The following APBB1IP variants were observed in gnomAD, a reference collection of about 807,000 sequenced individuals.
APBB1IP encodes amyloid beta precursor protein binding family B member 1 interacting protein.
APBB1IP carries 27 observed loss-of-function variants against 64.9 expected under a neutral mutation model. The ratio of observed to expected loss-of-function variants is 0.42; its 90% CI spans 0.31 to 0.57. APBB1IP has a LOEUF of 0.57. APBB1IP is among the 20% of genes least tolerant of loss of function. APBB1IP has a pLI of 0.20. For synonymous variants in APBB1IP, 392 were observed against 331.0 expected (o/e 1.18, Z -2.00); for missense variants, 812 against 845.5 (o/e 0.96, Z 0.49).
At chr10:26,457,377 C>T (rs556790833) in intron 2 of APBB1IP, among the ~76,000 whole-genome samples, 13 of 152,332 alleles carry the variant, frequency 8.5e-5, no homozygotes, top group Non-Finnish European at 1.8e-4. Context: ...TGGCCTCAAG[C>T]AATCCTCCTG....
chr10:26,487,471 A>G (rs190180986), intron 2 of APBB1IP, among the ~76,000 whole-genome samples: 335 of 152,274 alleles, frequency 2.2e-3, no homozygotes, highest in African/African-American at 7.7e-3. Context: ...CGTGGGTGCA[A>G]CTGTGATCCA....
intron 5 of APBB1IP, among the ~76,000 whole-genome samples, chr10:26,502,687 A>G (rs1836121332): frequency 6.6e-6 from 1 of 152,188 alleles, no homozygotes; most frequent in Non-Finnish European, 1.5e-5. Context: ...GGGGGCATTA[A>G]GAACCCCTTT....
intron 10 of APBB1IP, among the ~76,000 whole-genome samples, chr10:26,539,225 A>T (rs1410249590): frequency 6.6e-6 from 1 of 152,094 alleles, no homozygotes; most frequent in Non-Finnish European, 1.5e-5. Context: ...AGCCTGAGAA[A>T]CATAGGGAGA....
At chr10:26,523,560 C>T (rs1836432023) in intron 8 of APBB1IP, among the ~76,000 whole-genome samples, 1 of 152,010 alleles carries the variant, frequency 6.6e-6, no homozygotes, top group Admixed American at 6.6e-5. Flanking sequence ...CAGGCAGGTC[C>T]ACTTTAGAAA....
chr10:26,529,726 C>T (rs1836524085), intron 8 of APBB1IP, among the ~76,000 whole-genome samples: 3 of 152,148 alleles, frequency 2.0e-5, no homozygotes. Flanking sequence ...CTGTAACCTC[C>T]ACTTCCCAGT....
intron 6 of APBB1IP, among the ~76,000 whole-genome samples, chr10:26,507,461 C>T: frequency 6.6e-6 from 1 of 152,170 alleles, no homozygotes; most frequent in East Asian, 1.9e-4. Flanking sequence ...CATACCACTG[C>T]ACTCCAGCCT....
chr10:26,469,184 C>T (rs1333489668), intron 2 of APBB1IP, among the ~76,000 whole-genome samples: 1 of 150,668 alleles, frequency 6.6e-6, no homozygotes, highest in Non-Finnish European at 1.5e-5. Context: ...CATTGTATAG[C>T]TGTACAAAAA....
chr10:26,555,112 G>A (rs1232159853), intron 11 of APBB1IP, among the ~76,000 whole-genome samples: 11 of 152,016 alleles, frequency 7.2e-5, no homozygotes, highest in South Asian at 2.1e-4. Flanking sequence ...CCCATTTCTC[G>A]TTAATCTATG....
At chr10:26,559,622 CTTT>C (rs368290752) in intron 11 of APBB1IP, among the ~76,000 whole-genome samples, 7 of 135,168 alleles carry the variant, frequency 5.2e-5, no homozygotes, top group Non-Finnish European at 4.8e-5. Flanking sequence ...TTCTTTCTTT[CTTT>C]TTTTTTTTTT....
intron 2 of APBB1IP, among the ~76,000 whole-genome samples, chr10:26,453,842 A>G (rs566594321): frequency 6.6e-6 from 1 of 152,360 alleles, no homozygotes; most frequent in East Asian, 1.9e-4. Context: ...GATCTACCAT[A>G]TGATCTAGCA....
intron 8 of APBB1IP, among the ~76,000 whole-genome samples, chr10:26,526,407 A>G (rs1354354447): frequency 6.6e-6 from 1 of 152,202 alleles, no homozygotes; most frequent in Non-Finnish European, 1.5e-5. Flanking sequence ...TTATTCTAAT[A>G]ACTTTCTTTT....
chr10:26,524,285 G>A (rs1186114617), intron 8 of APBB1IP, among the ~76,000 whole-genome samples: 1 of 152,068 alleles, frequency 6.6e-6, no homozygotes, highest in East Asian at 1.9e-4. Context: ...GGGGTAAAGA[G>A]TGTCACACAG....
intron 2 of APBB1IP, among the ~76,000 whole-genome samples, chr10:26,455,268 G>A (rs996916311): frequency 2.6e-5 from 4 of 152,288 alleles, no homozygotes; most frequent in Admixed American, 6.5e-5. Context: ...AGTGGCTCAC[G>A]CCTGTAATCC....
chr10:26,518,961 A>G (rs146040309), intron 8 of APBB1IP, among the ~76,000 whole-genome samples: 36 of 152,284 alleles, frequency 2.4e-4, no homozygotes, highest in Non-Finnish European at 4.0e-4. Context: ...AGCTACTTGT[A>G]TTGGGCCATT....
chr10:26,513,794 G>A (rs1053561375), intron 8 of APBB1IP, 134 bp downstream of exon 8: 85 of 1,111,276 alleles, frequency 7.6e-5, no homozygotes, highest in Middle Eastern at 5.8e-4. Flanking sequence ...GTGCAGTGGC[G>A]TGATCTTGGC....
At position 26,450,906 on chromosome 10, in the gene APBB1IP, G is replaced by A. The variant is rs10764623; in HGVS notation, c.-1+12053G>A. Among the ~76,000 whole-genome samples, 3 of 151,848 alleles carry A rather than the reference G, an allele frequency of 2.0e-5. No homozygotes were observed. The South Asian group carries it at 6.2e-4, about 31-fold the overall frequency. The stretch of plus-strand genomic sequence containing the variant: ...AGACAAGGTATCACTATATTGGTCA[G>A]GCTGGTCTCGAACTCCTGACCTCAG... On this transcript the variant is annotated intron_variant, in intron 2 of 14. Transcript: ENST00000376236.
intron 3 of APBB1IP, among the ~76,000 whole-genome samples, chr10:26,495,667 T>C (rs1161347120): frequency 6.6e-6 from 1 of 150,720 alleles, no homozygotes; most frequent in African/African-American, 2.4e-5. Context: ...GGACCTGCCT[T>C]CACACAAAGC....
At chr10:26,470,698 G>A (rs1436296296) in intron 2 of APBB1IP, among the ~76,000 whole-genome samples, 9 of 152,062 alleles carry the variant, frequency 5.9e-5, no homozygotes, top group Non-Finnish European at 1.3e-4. Flanking sequence ...TTCAATTTAC[G>A]ATGGGTTTTT....
chr10:26,443,934 A>C (rs1420593337), intron 2 of APBB1IP, among the ~76,000 whole-genome samples: 1 of 152,258 alleles, frequency 6.6e-6, no homozygotes, highest in Non-Finnish European at 1.5e-5. Context: ...AAAGAGACAA[A>C]GATCCCTGCA....
Sources: gnomAD v4.1 joint callset for allele counts (sites outside exome capture counted in the v4.1 genomes callset) on GRCh38, gnomAD v4.1.1 for gene constraint, MANE v1.5 for transcripts, NCBI Gene and HGNC (gene_info 2026-07-23, HGNC 2026-07-21) for gene names.